Variants in COL8A1 observed in about 807,000 individuals in gnomAD.
COL8A1 encodes the protein collagen alpha-1(VIII) chain.
Under a neutral mutation model 42.7 loss-of-function variants are expected in COL8A1, and 21 were observed. That is an observed-to-expected ratio of 0.49 (90% CI 0.35 to 0.71). The LOEUF (loss-of-function observed/expected upper bound fraction) is 0.71. COL8A1 is among the 30% of genes least tolerant of loss of function. COL8A1 has a pLI of 0.01. For missense variants in COL8A1, 788 were observed against 962.4 expected (o/e 0.82, Z 2.40); for synonymous variants, 367 against 369.1 (o/e 0.99, Z 0.06).
intron 1 of COL8A1, among the ~76,000 whole-genome samples, chr3:99,701,856 T>C (rs1048250990): frequency 1.3e-5 from 2 of 152,210 alleles, no homozygotes; most frequent in Admixed American, 6.5e-5. Flanking sequence ...CACATAGTTA[T>C]AATATGGAAA....
chr3:99,751,223 A>G (rs1204413209), intron 2 of COL8A1, among the ~76,000 whole-genome samples: 1 of 152,172 alleles, frequency 6.6e-6, no homozygotes, highest in Non-Finnish European at 1.5e-5. Flanking sequence ...TACCTCCTCC[A>G]ATGCCAATAT....
At chr3:99,745,877 C>T (rs1308244114) in intron 2 of COL8A1, among the ~76,000 whole-genome samples, 1 of 151,382 alleles carries the variant, frequency 6.6e-6, no homozygotes, top group Non-Finnish European at 1.5e-5. Flanking sequence ...GACAAGTAGA[C>T]ATTATCTCAT....
chr3:99,696,271 T>C (rs531661898), intron 1 of COL8A1, among the ~76,000 whole-genome samples: 1 of 152,200 alleles, frequency 6.6e-6, no homozygotes, highest in Non-Finnish European at 1.5e-5. Context: ...AGTGAAGATA[T>C]CAAAAGTTTC....
chr3:99,697,207 C>G (rs906604196), intron 1 of COL8A1, among the ~76,000 whole-genome samples: 27 of 151,752 alleles, frequency 1.8e-4, no homozygotes, highest in Admixed American at 1.4e-3. Flanking sequence ...GGGATGGTCT[C>G]GATCTCCTGA....
chr3:99,730,680 T>C (rs2107383254), intron 1 of COL8A1, among the ~76,000 whole-genome samples: 1 of 152,280 alleles, frequency 6.6e-6, no homozygotes, highest in African/African-American at 2.4e-5. Flanking sequence ...ATCACATATT[T>C]GGCAGCAATA....
At chr3:99,750,425 G>A (rs1676849114) in intron 2 of COL8A1, among the ~76,000 whole-genome samples, 1 of 152,036 alleles carries the variant, frequency 6.6e-6, no homozygotes, top group South Asian at 2.1e-4. Flanking sequence ...AACTCTGGGT[G>A]GCAGAATTTT....
rs753516059 is a variant in COL8A1, at chr3:99,795,930, G to T, written c.2029G>T (p.Ala677Ser). 2 of 1,614,168 alleles carry T rather than the reference G, an allele frequency of 1.2e-6. No individual in the cohort carries two copies. Among genetic ancestry groups the T allele is most frequent in the Non-Finnish European group, 1.7e-6 (2 of 1,180,018 alleles). ...CTGCAAGGGGGGCAACGTGTGGGTT[G>T]CTCTATTCAAGAACAACGAGCCCGT... ...VHCKGGNVWV[A>S]LFKNNEPVMY... The change falls in exon 4 of 4, where the codon GCT (alanine) becomes TCT (serine). Residue 677 changes from alanine to serine, a missense_variant. Ala to Ser is a moderately conservative substitution (Grantham distance 99). Coordinates refer to ENST00000652472, the MANE Select transcript of COL8A1 (RefSeq NM_020351.4).
intron 1 of COL8A1, among the ~76,000 whole-genome samples, chr3:99,713,325 C>T (rs1481796597): frequency 6.6e-6 from 1 of 152,096 alleles, no homozygotes; most frequent in Non-Finnish European, 1.5e-5. Flanking sequence ...TCTTCTCATG[C>T]CCCACGTGCA....
chr3:99,639,414 A>T (rs1371536319), intron 1 of COL8A1, among the ~76,000 whole-genome samples: 2 of 152,250 alleles, frequency 1.3e-5, no homozygotes, highest in African/African-American at 4.8e-5. Flanking sequence ...TCACAGTAAG[A>T]GAATAATACA....
At chr3:99,705,820 A>G (rs1192108983) in intron 1 of COL8A1, among the ~76,000 whole-genome samples, 1 of 152,198 alleles carries the variant, frequency 6.6e-6, no homozygotes, top group Non-Finnish European at 1.5e-5. Context: ...AACACAATAA[A>G]AGATAAATAA....
intron 2 of COL8A1, among the ~76,000 whole-genome samples, chr3:99,752,973 T>C (rs57462580): frequency 0.015 from 2,247 of 152,220 alleles, 56 homozygotes; most frequent in African/African-American, 0.052. Context: ...CTGCTATGAC[T>C]TGTGGTAAAT....
In COL8A1 at chr3:99,653,786, G is replaced by A. The variant is rs1937927315; in HGVS notation, c.-129+15122G>A. The stretch of plus-strand genomic sequence containing the variant: ...TTGATGCATCAATAAATCTCCTTAA[G>A]CCCTGTGCATATTCCCTGCCATATT... On this transcript the variant is annotated intron_variant, in intron 1 of 3. Transcript: ENST00000652472. Among the ~76,000 whole-genome samples the A allele has an allele frequency of 2.6e-5, 4 of 151,338 alleles. No homozygotes were observed. The South Asian group carries it at 8.4e-4, about 32-fold the overall frequency.
intron 2 of COL8A1, among the ~76,000 whole-genome samples, chr3:99,764,831 T>C (rs925971765): frequency 1.3e-5 from 2 of 151,452 alleles, no homozygotes; most frequent in African/African-American, 2.4e-5. Flanking sequence ...TTAACCAATA[T>C]AGGTGCTTAA....
At chr3:99,729,552 T>C (rs1314033790) in intron 1 of COL8A1, among the ~76,000 whole-genome samples, 1 of 152,052 alleles carries the variant, frequency 6.6e-6, no homozygotes, top group Non-Finnish European at 1.5e-5. Context: ...AGACACTCGA[T>C]GGTGCCTTAG....
At chr3:99,661,172 T>A (rs373288540) in intron 1 of COL8A1, among the ~76,000 whole-genome samples, 1 of 152,192 alleles carries the variant, frequency 6.6e-6, no homozygotes, top group African/African-American at 2.4e-5. Context: ...AGACAGATGA[T>A]AGAATTGGAG....
intron 1 of COL8A1, among the ~76,000 whole-genome samples, chr3:99,733,063 T>A (rs1431591526): frequency 6.6e-6 from 1 of 151,430 alleles, no homozygotes; most frequent in Non-Finnish European, 1.5e-5. Flanking sequence ...CCCACGGCCT[T>A]GGGCAACTCT....
intron 1 of COL8A1, among the ~76,000 whole-genome samples, chr3:99,737,650 GC>G (rs1347560569): frequency 3.9e-5 from 6 of 152,078 alleles, no homozygotes; most frequent in Admixed American, 3.9e-4. Context: ...CTCTCTGGCT[GC>G]CCTTAACATT....
intron 1 of COL8A1, among the ~76,000 whole-genome samples, chr3:99,721,576 A>G (rs1472046488): frequency 6.6e-6 from 1 of 152,022 alleles, no homozygotes; most frequent in Admixed American, 6.6e-5. Flanking sequence ...ACCCGGACAG[A>G]TTTGTTGTTT....
intron 1 of COL8A1, among the ~76,000 whole-genome samples, chr3:99,710,291 G>T (rs1368033625): frequency 2.6e-5 from 4 of 152,064 alleles, no homozygotes; most frequent in African/African-American, 9.7e-5. Flanking sequence ...ACCCACAAAG[G>T]AAATGGCATC....
Sources: allele counts gnomAD v4.1 joint callset (sites outside exome capture counted in the v4.1 genomes callset), GRCh38; gene constraint gnomAD v4.1.1; transcripts MANE v1.5; gene names NCBI Gene and HGNC (gene_info 2026-07-23, HGNC 2026-07-21).